Variants in ANKRD6 observed in about 807,000 individuals in gnomAD.
ANKRD6 encodes ankyrin repeat domain 6, also known as ankyrin repeat domain-containing protein 6.
ANKRD6 carries 56 observed loss-of-function variants against 82.3 expected under a neutral mutation model. That is an observed-to-expected ratio of 0.68 (90% confidence interval 0.55 to 0.85). The LOEUF is 0.85. Ranked by LOEUF, ANKRD6 falls within the 40% of genes least tolerant of loss-of-function variation. ANKRD6 has a pLI of 0.00. For missense variants in ANKRD6, 852 were observed against 907.6 expected (o/e 0.94, Z 0.79); for synonymous variants, 347 against 352.1 (o/e 0.99, Z 0.16).
At chr6:89,607,056 G>A (rs1016854363) in intron 5 of ANKRD6, among the ~76,000 whole-genome samples, 7 of 151,902 alleles carry the variant, frequency 4.6e-5, no homozygotes, top group African/African-American at 1.7e-4. Flanking sequence ...CGTCATCCCA[G>A]CTACTCGGAA....
chr6:89,479,108 G>A (rs1335980691), intron 1 of ANKRD6, among the ~76,000 whole-genome samples: 1 of 152,130 alleles, frequency 6.6e-6, no homozygotes, highest in Non-Finnish European at 1.5e-5. Flanking sequence ...TGTCTCGAAG[G>A]TACCTAGATT....
intron 1 of ANKRD6, among the ~76,000 whole-genome samples, chr6:89,480,801 G>T (rs1776702686): frequency 6.7e-6 from 1 of 150,080 alleles, no homozygotes; most frequent in African/African-American, 2.4e-5. Context: ...TTTTTGCTGG[G>T]CATGGTGGTG....
intron 1 of ANKRD6, among the ~76,000 whole-genome samples, chr6:89,467,017 A>T (rs532828228): frequency 6.6e-6 from 1 of 152,118 alleles, no homozygotes; most frequent in East Asian, 1.9e-4. Context: ...AGAGATTTTT[A>T]TATAGAAAAG....
chr6:89,500,972 C>CTTT lies in ANKRD6; in HGVS notation c.-143-65844_-143-65842dup, dbSNP rs35877637. Among the ~76,000 whole-genome samples the CTTT allele has an allele frequency of 2.3e-3, 280 of 121,806 alleles. 2 individuals are homozygous for CTTT. Among genetic ancestry groups the CTTT allele is most frequent in the African/African-American group, 7.9e-3 (261 of 32,992 alleles). The allele number at this position is 121,806 out of a possible 152,430, so 79.9% of individuals were successfully genotyped here. On this transcript the variant is annotated intron_variant, in intron 1 of 15. Coordinates refer to ENST00000339746, the MANE Select transcript of ANKRD6 (RefSeq NM_001242809.2). Reference sequence around the variant, plus strand: ...CAGAAGAGGACTGTCCCCAATTAGTCTTTTTTTTTTTTTTTTTTTTCTAGC... The same window carrying CTTT: ...CAGAAGAGGACTGTCCCCAATTAGTCTTTTTTTTTTTTTTTTTTTTTTTCTAGC...
At chr6:89,514,062 A>G (rs1207066078) in intron 1 of ANKRD6, among the ~76,000 whole-genome samples, 3 of 152,208 alleles carry the variant, frequency 2.0e-5, no homozygotes, top group African/African-American at 7.2e-5. Flanking sequence ...GTGGCCCAAC[A>G]CAAAGTCGTA....
At chr6:89,445,092 C>T (rs923095218) in intron 1 of ANKRD6, among the ~76,000 whole-genome samples, 6 of 152,056 alleles carry the variant, frequency 3.9e-5, no homozygotes, top group African/African-American at 7.2e-5. Flanking sequence ...GTGTTTTTCA[C>T]GAATTGAAGG....
At chr6:89,491,845 A>C (rs905240231) in intron 1 of ANKRD6, among the ~76,000 whole-genome samples, 1 of 152,170 alleles carries the variant, frequency 6.6e-6, no homozygotes. Flanking sequence ...GGAGGAAAAG[A>C]ATGTAATTCT....
At chr6:89,580,003 A>G (rs578079007) in intron 2 of ANKRD6, among the ~76,000 whole-genome samples, 1 of 152,278 alleles carries the variant, frequency 6.6e-6, no homozygotes, top group African/African-American at 2.4e-5. Context: ...ATAGGGACAG[A>G]AAATAGATCA....
chr6:89,580,194 C>T (rs531617879), intron 2 of ANKRD6, among the ~76,000 whole-genome samples: 2 of 149,094 alleles, frequency 1.3e-5, no homozygotes, highest in South Asian at 2.2e-4. Context: ...GAAATTATAC[C>T]TCGAGAAACT....
chr6:89,496,178 C>A (rs910475458), intron 1 of ANKRD6, among the ~76,000 whole-genome samples: 1 of 138,290 alleles, frequency 7.2e-6, no homozygotes, highest in Non-Finnish European at 1.6e-5. Flanking sequence ...TCCACACTGC[C>A]CCCCCCCCCA....
chr6:89,622,936 A>G (rs957454393), intron 10 of ANKRD6, among the ~76,000 whole-genome samples: 1 of 149,118 alleles, frequency 6.7e-6, no homozygotes, highest in Non-Finnish European at 1.5e-5. Flanking sequence ...CGTTCTCACA[A>G]GGACCAGAAA....
chr6:89,501,380 G>A (rs977936533), intron 1 of ANKRD6, among the ~76,000 whole-genome samples: 1 of 152,194 alleles, frequency 6.6e-6, no homozygotes, highest in Non-Finnish European at 1.5e-5. Context: ...ATCTGCATTT[G>A]CATTTGAGAG....
intron 1 of ANKRD6, among the ~76,000 whole-genome samples, chr6:89,535,777 C>G (rs775662580): frequency 6.6e-6 from 1 of 152,216 alleles, no homozygotes; most frequent in Non-Finnish European, 1.5e-5. Context: ...CATGACAGTT[C>G]CAAGCAGTTG....
chr6:89,469,237 G>C (rs1487501878), intron 1 of ANKRD6, among the ~76,000 whole-genome samples: 1 of 152,084 alleles, frequency 6.6e-6, no homozygotes, highest in Non-Finnish European at 1.5e-5. Flanking sequence ...GTTATATATA[G>C]ACCCCTACCG....
chr6:89,594,228 G>A (rs1459649179), intron 2 of ANKRD6, among the ~76,000 whole-genome samples: 6 of 152,068 alleles, frequency 3.9e-5, no homozygotes, highest in South Asian at 2.1e-4. Flanking sequence ...CGAGGCAGGC[G>A]GATCACTTGA....
intron 1 of ANKRD6, chr6:89,562,390 C>G (rs1378685775): frequency 6.6e-6 from 1 of 152,252 alleles, no homozygotes; most frequent in African/African-American, 2.4e-5. Flanking sequence ...AAGCATTTTC[C>G]TGTTTTCTTG....
At chr6:89,587,560 T>C (rs190580287) in intron 2 of ANKRD6, among the ~76,000 whole-genome samples, 14 of 152,334 alleles carry the variant, frequency 9.2e-5, no homozygotes, top group Non-Finnish European at 1.8e-4. Flanking sequence ...CCTAACAATA[T>C]ACATTTCAAA....
At chr6:89,601,407 CTG>C (rs968028552) in intron 3 of ANKRD6, among the ~76,000 whole-genome samples, 10 of 152,168 alleles carry the variant, frequency 6.6e-5, no homozygotes, top group Non-Finnish European at 1.0e-4. Flanking sequence ...GGAAGAGAGT[CTG>C]TGACAGGGAC....
At chr6:89,592,747 A>C (rs756287179) in intron 2 of ANKRD6, among the ~76,000 whole-genome samples, 1 of 152,120 alleles carries the variant, frequency 6.6e-6, no homozygotes, top group Admixed American at 6.6e-5. Flanking sequence ...GGAGGTACTC[A>C]TGCATCTGGG....
Sources: gnomAD v4.1 joint callset for allele counts (sites outside exome capture counted in the v4.1 genomes callset) on GRCh38, gnomAD v4.1.1 for gene constraint, MANE v1.5 for transcripts, NCBI Gene and HGNC (gene_info 2026-07-23, HGNC 2026-07-21) for gene names.